The following ARHGEF7 variants were observed in gnomAD, a reference collection of about 807,000 sequenced individuals.
The protein encoded by ARHGEF7 is PAK-interacting exchange factor beta.
ARHGEF7 carries 33 observed loss-of-function variants against 109.8 expected under a neutral mutation model. That is an observed-to-expected ratio of 0.30 (90% CI 0.23 to 0.40). ARHGEF7 has a LOEUF of 0.40. Ranked by LOEUF, ARHGEF7 falls within the 10% of genes least tolerant of loss-of-function variation. The pLI is 1.00. For synonymous variants in ARHGEF7, 458 were observed against 424.6 expected (o/e 1.08, Z -0.97); for missense variants, 938 against 1,098.5 (o/e 0.85, Z 2.07).
At chr13:111,130,969 AG>A (rs2074714368) in intron 1 of ARHGEF7, among the ~76,000 whole-genome samples, 1 of 152,308 alleles carries the variant, frequency 6.6e-6, no homozygotes, top group South Asian at 2.1e-4. Flanking sequence ...GCTGGAACCG[AG>A]GGGACGCGGA....
intron 1 of ARHGEF7, among the ~76,000 whole-genome samples, chr13:111,129,305 TA>T (rs1046423081): frequency 7.3e-4 from 111 of 152,254 alleles, no homozygotes; most frequent in African/African-American, 2.5e-3. Flanking sequence ...ACTAGGCAAA[TA>T]TTTTTTATAT....
chr13:111,184,211 C>G (rs1242238768), intron 2 of ARHGEF7, among the ~76,000 whole-genome samples: 1 of 152,154 alleles, frequency 6.6e-6, no homozygotes, highest in Non-Finnish European at 1.5e-5. Context: ...GAAGAGGTGC[C>G]TTTTGCCGTG....
chr13:111,116,010 TG>T (rs1412674830), intron 1 of ARHGEF7, among the ~76,000 whole-genome samples: 1 of 144,714 alleles, frequency 6.9e-6, no homozygotes, highest in Admixed American at 6.8e-5. Context: ...CCCCTCCGCG[TG>T]GGGGGCCGGC....
chr13:111,170,350 G>A lies in ARHGEF7; in HGVS notation c.252+16359G>A, dbSNP rs551902045. Among the ~76,000 whole-genome samples the A allele has an allele frequency of 3.9e-5, 6 of 152,358 alleles. No homozygotes were observed. In the South Asian group the frequency reaches 1.2e-3, roughly 32 times the overall value. On this transcript the variant is annotated intron_variant, in intron 2 of 21. Coordinates refer to ENST00000646102, the MANE Select transcript of ARHGEF7 (RefSeq NM_001354046.2). ...TGGCCTTAAGTGATCCACCCGCCTT[G>A]GCCTCCCAAAGTGCTGGGATTATAG... is the stretch of plus-strand genomic sequence containing the variant.
chr13:111,221,515 ATATATATCTATATATATC>A lies in ARHGEF7; in HGVS notation c.670+3643_670+3660del, dbSNP rs1566875848. Reference sequence around the variant, plus strand: ...GACATATATATATCTATATATATAGATATATATCTATATATATCTATATATAGATACATATCTATATAT... The same window carrying A: ...GACATATATATATCTATATATATAGATATATATAGATACATATCTATATAT... On this transcript the variant is annotated intron_variant, in intron 5 of 21. Coordinates refer to ENST00000646102, the MANE Select transcript of ARHGEF7 (RefSeq NM_001354046.2). Among the ~76,000 whole-genome samples, 61 of 49,742 alleles carry A rather than the reference ATATATATCTATATATATC, an allele frequency of 1.2e-3. 1 individual carries two copies. Among genetic ancestry groups the A allele is most frequent in the South Asian group, 2.5e-3 (3 of 1,214 alleles). 32.6% of individuals were successfully genotyped at this position (49,742 alleles called of 152,430 possible). A position where few individuals can be genotyped will look rare whatever the true frequency, so the allele number is the denominator to read the frequency against.
At chr13:111,274,819 C>A in intron 11 of ARHGEF7, 29 bp downstream of exon 11, 1 of 1,350,132 alleles carries the variant, frequency 7.4e-7, no homozygotes, top group Non-Finnish European at 9.8e-7. Flanking sequence ...TGTTTTCCCC[C>A]CCAGACATTA....
intron 5 of ARHGEF7, among the ~76,000 whole-genome samples, chr13:111,222,962 A>G (rs1432137537): frequency 1.3e-5 from 2 of 152,262 alleles, no homozygotes; most frequent in African/African-American, 4.8e-5. Context: ...CCACATTCAC[A>G]TAACTTTAGT....
intron 15 of ARHGEF7, 69 bp from the exon 16 acceptor site, chr13:111,283,069 AT>A: frequency 6.7e-7 from 1 of 1,499,980 alleles, no homozygotes; most frequent in Non-Finnish European, 9.0e-7. Flanking sequence ...GAAGTGCGTG[AT>A]AAGTGCCCTT....
intron 5 of ARHGEF7, among the ~76,000 whole-genome samples, chr13:111,230,545 G>A (rs527423597): frequency 1.1e-4 from 17 of 152,346 alleles, no homozygotes; most frequent in Admixed American, 2.0e-4. Flanking sequence ...CCTGGACAGT[G>A]GTGGGGCAAG....
intron 8 of ARHGEF7, among the ~76,000 whole-genome samples, chr13:111,253,557 C>A (rs998438980): frequency 1.3e-5 from 2 of 152,154 alleles, no homozygotes; most frequent in African/African-American, 4.8e-5. Flanking sequence ...TGTTTAGATG[C>A]CAGCGCATGG....
intron 3 of ARHGEF7, among the ~76,000 whole-genome samples, chr13:111,207,747 C>A (rs760028429): frequency 1.3e-5 from 2 of 152,124 alleles, no homozygotes; most frequent in Non-Finnish European, 2.9e-5. Context: ...AGGTTTGAGA[C>A]GGTAGGATTT....
At chr13:111,197,052 C>A (rs2080594040) in intron 2 of ARHGEF7, among the ~76,000 whole-genome samples, 2 of 152,130 alleles carry the variant, frequency 1.3e-5, no homozygotes, top group Non-Finnish European at 2.9e-5. Flanking sequence ...CTGAGTGTTT[C>A]CCATCTGAAA....
chr13:111,119,234 G>T (rs1025435848), intron 1 of ARHGEF7, among the ~76,000 whole-genome samples: 8 of 152,198 alleles, frequency 5.3e-5, no homozygotes, highest in Non-Finnish European at 1.0e-4. Flanking sequence ...CCCCAGTATG[G>T]CCTCATCTTA....
At position 111,305,123 on chromosome 13, in the gene ARHGEF7, C is replaced by T. The variant is rs2093629169; in HGVS notation, c.*2010C>T. The stretch of plus-strand genomic sequence containing the variant: ...CAGATCGAAGTATTTCACAAGAATA[C>T]TTGTGTTTTTAACAGCCCTTCCCCT... On this transcript the variant is annotated 3_prime_UTR_variant, in exon 22 of 22. Coordinates refer to ENST00000646102, the MANE Select transcript of ARHGEF7 (RefSeq NM_001354046.2). The T allele has an allele frequency of 6.6e-6, 1 of 152,250 alleles. No homozygotes were observed. Among genetic ancestry groups the T allele is most frequent in the African/African-American group, 2.4e-5 (1 of 41,466 alleles). 9.4% of individuals were successfully genotyped at this position (152,250 alleles called of 1,614,324 possible).
At chr13:111,264,274 A>G (rs1476927267) in intron 8 of ARHGEF7, among the ~76,000 whole-genome samples, 1 of 152,248 alleles carries the variant, frequency 6.6e-6, no homozygotes, top group African/African-American at 2.4e-5. Flanking sequence ...AAATTTCAGT[A>G]GCCTCTAGCC....
intron 21 of ARHGEF7, among the ~76,000 whole-genome samples, chr13:111,302,244 C>G (rs1162560434): frequency 1.3e-5 from 2 of 152,140 alleles, no homozygotes. Context: ...AGCTTTGGTC[C>G]TCTGCCCAGC....
At chr13:111,187,237 T>C (rs1428754270) in intron 2 of ARHGEF7, among the ~76,000 whole-genome samples, 1 of 152,242 alleles carries the variant, frequency 6.6e-6, no homozygotes, top group East Asian at 1.9e-4. Flanking sequence ...GTTGGCTCCT[T>C]GGACAGCTCT....
chr13:111,286,258 G>C lies in ARHGEF7; in HGVS notation c.2044+18G>C. 1 of 1,598,924 alleles carries C rather than the reference G, an allele frequency of 6.3e-7. No homozygotes were observed. On this transcript the variant is annotated intron_variant, in intron 17 of 21. Coordinates refer to ENST00000646102, the MANE Select transcript of ARHGEF7 (RefSeq NM_001354046.2). ...CCGGAAAAGTGAGTACCTGCGGTCC[G>C]TGTGGTGGAGGACGTGGCCTCCTGG...
intron 2 of ARHGEF7, among the ~76,000 whole-genome samples, chr13:111,189,986 G>A (rs2079687172): frequency 6.6e-6 from 1 of 152,178 alleles, no homozygotes; most frequent in Admixed American, 6.5e-5. Flanking sequence ...TGGGAATTGG[G>A]CAGTGACCGC....
Sources: allele counts gnomAD v4.1 joint callset (sites outside exome capture counted in the v4.1 genomes callset), GRCh38; gene constraint gnomAD v4.1.1; transcripts MANE v1.5; gene names NCBI Gene and HGNC (gene_info 2026-07-23, HGNC 2026-07-21).